Variants in TIAM2 observed in about 807,000 individuals in gnomAD.
TIAM2 encodes the protein TIAM Rac1 associated GEF 2, also known as rho guanine nucleotide exchange factor TIAM2.
A neutral mutation model predicts 152.9 loss-of-function variants in TIAM2; 80 were observed. The observed-to-expected ratio is 0.52, with a 90% CI of 0.44 to 0.63. TIAM2 has a LOEUF of 0.63. Among genes scored for constraint, TIAM2 ranks in the 30% least tolerant of loss-of-function variants. The probability of loss-of-function intolerance (pLI) is 0.00; values close to 1 mark genes in which losing one functional copy is unlikely to be tolerated. For synonymous variants in TIAM2, 804 were observed against 838.0 expected (o/e 0.96, Z 0.70); for missense variants, 1,965 against 2,120.1 (o/e 0.93, Z 1.44).
Position 155,240,515 on chromosome 6 carries a change from C to A in TIAM2, c.3169-15C>A. On this transcript the variant is annotated splice_polypyrimidine_tract_variant and intron_variant, in intron 15 of 26. Transcript: ENST00000682666. ...GAGGCCCGTGCATTATTTTCCACCT[C>A]TTGTCCTCTCTCAGAGTGCTGAGCA... is the stretch of plus-strand genomic sequence containing the variant. 6.3e-7 allele frequency: 1 copy of A among 1,594,102 alleles called. No individual in the cohort carries two copies. Among genetic ancestry groups the A allele is most frequent in the African/African-American group, 1.3e-5 (1 of 74,720 alleles).
At chr6:155,076,186 G>A (rs1019013599) in intron 1 of TIAM2, among the ~76,000 whole-genome samples, 1 of 152,126 alleles carries the variant, frequency 6.6e-6, no homozygotes, top group Admixed American at 6.6e-5. Context: ...GTGAGGCATG[G>A]GGGATGGAGC....
At chr6:155,102,390 C>G (rs1403760465) in intron 2 of TIAM2, among the ~76,000 whole-genome samples, 2 of 152,034 alleles carry the variant, frequency 1.3e-5, no homozygotes, top group East Asian at 3.8e-4. Flanking sequence ...GATTGTCAAC[C>G]CCACTTTATG....
chr6:155,124,179 C>T lies in TIAM2; in HGVS notation c.-117-3311C>T, dbSNP rs186272974. ...GATTACAGGTGTGTGCCCTCACACT[C>T]AGCTAATTTTTTTGTAGTTTTAGTA... On this transcript the variant is annotated intron_variant, in intron 2 of 26. Transcript: ENST00000682666. Among the ~76,000 whole-genome samples, 307 of 152,048 alleles carry T rather than the reference C, an allele frequency of 2.0e-3. 1 individual carries two copies. The highest frequency in any genetic ancestry group is 7.0e-3 in the African/African-American group (292 of 41,460).
At chr6:155,119,147 G>A (rs1276627871) in intron 2 of TIAM2, among the ~76,000 whole-genome samples, 3 of 151,666 alleles carry the variant, frequency 2.0e-5, no homozygotes, top group Non-Finnish European at 4.4e-5. Flanking sequence ...AGATTCTCCT[G>A]CTCCAGCCTC....
At chr6:155,161,513 T>C (rs1780268672) in intron 7 of TIAM2, among the ~76,000 whole-genome samples, 1 of 152,136 alleles carries the variant, frequency 6.6e-6, no homozygotes, top group Non-Finnish European at 1.5e-5. Flanking sequence ...CAAGAGATTG[T>C]CTTCTTCCCC....
Position 155,182,019 on chromosome 6 carries a change from T to G in TIAM2, c.2708-207T>G, listed in dbSNP as rs538797018. On this transcript the variant is annotated intron_variant, in intron 12 of 26. Transcript: ENST00000682666. ...GGTCTCACCTTTGGAATAAAAGTTA[T>G]GTTTTTATATTTCTTAAGCCTCTCG... Among the ~76,000 whole-genome samples the G allele has an allele frequency of 2.0e-5, 3 of 152,380 alleles. No individual in the cohort carries two copies. In the East Asian group the frequency reaches 5.8e-4, roughly 29 times the overall value.
chr6:155,126,972 G>A (rs942512172), intron 2 of TIAM2, among the ~76,000 whole-genome samples: 12 of 152,086 alleles, frequency 7.9e-5, no homozygotes, highest in African/African-American at 2.9e-4. Context: ...TCCCTCAGAG[G>A]GGGACCTCTT....
intron 23 of TIAM2, among the ~76,000 whole-genome samples, chr6:155,252,272 G>A (rs1344684032): frequency 1.3e-5 from 2 of 152,138 alleles, no homozygotes; most frequent in East Asian, 3.9e-4. Flanking sequence ...AGGAATTTGA[G>A]ACCAGCCTGG....
chr6:155,251,003 C>A lies in TIAM2; in HGVS notation c.4042C>A (p.Leu1348Ile), dbSNP rs1783622203. ...GTCTCTAGGAAAAGCTAGAAAGGAC[C>A]TTGAGCTCACAGTATTTGGTTAGTA... ...FLSLGKARKD[L>I]ELTVFVFKRA... The change falls in exon 22 of 27, where the codon CTT becomes ATT. Residue 1348 changes from leucine (L) to isoleucine (I), a missense_variant. Physicochemically the swap from Leu to Ile is conservative, Grantham distance 5. Transcript: ENST00000682666. The A allele has an allele frequency of 9.3e-6, 15 of 1,614,058 alleles. No homozygotes were observed. Among genetic ancestry groups the A allele is most frequent in the African/African-American group, 1.3e-5 (1 of 75,032 alleles).
intron 1 of TIAM2, among the ~76,000 whole-genome samples, chr6:155,010,749 C>T (rs1320552869): frequency 6.6e-6 from 1 of 150,936 alleles, no homozygotes; most frequent in Non-Finnish European, 1.5e-5. Flanking sequence ...CTGCGCCCAG[C>T]TTACAAAAAT....
chr6:155,113,625 G>A (rs955488419), intron 2 of TIAM2, among the ~76,000 whole-genome samples: 1 of 152,134 alleles, frequency 6.6e-6, no homozygotes, highest in Admixed American at 6.5e-5. Context: ...TTGGGAGGCT[G>A]CGGCAGGAGA....
At chr6:155,104,601 C>CA (rs1260504785) in intron 2 of TIAM2, among the ~76,000 whole-genome samples, 4 of 151,882 alleles carry the variant, frequency 2.6e-5, no homozygotes, top group Non-Finnish European at 4.4e-5. Context: ...ACTAAAAATA[C>CA]AAAAAATTAG....
At chr6:155,178,281 G>A (rs73795342) in intron 10 of TIAM2, among the ~76,000 whole-genome samples, 14,333 of 151,168 alleles carry the variant, frequency 0.095, 804 homozygotes, top group Middle Eastern at 0.16. Context: ...ATATGAGTGT[G>A]TGTGCGTACA....
At chr6:155,230,657 C>G (rs1260828740) in intron 15 of TIAM2, among the ~76,000 whole-genome samples, 1 of 151,882 alleles carries the variant, frequency 6.6e-6, no homozygotes, top group Non-Finnish European at 1.5e-5. Flanking sequence ...AAAAATTCAA[C>G]CGCTATAAAA....
At chr6:155,119,852 T>G (rs1562322564) in intron 2 of TIAM2, among the ~76,000 whole-genome samples, 2 of 152,352 alleles carry the variant, frequency 1.3e-5, no homozygotes, top group South Asian at 2.1e-4. Context: ...GAATTTAGTT[T>G]CATGAAACAA....
At chr6:155,225,353 C>G (rs1263016489) in intron 15 of TIAM2, among the ~76,000 whole-genome samples, 1 of 152,180 alleles carries the variant, frequency 6.6e-6, no homozygotes, top group Non-Finnish European at 1.5e-5. Flanking sequence ...CAGGTTGGTG[C>G]TCTGCCTTCC....
rs1251572375 is a variant in TIAM2, at chr6:155,257,259, T to C, written c.*138T>C. The C allele has an allele frequency of 2.1e-6, 2 of 958,286 alleles. No individual in the cohort carries two copies. Among genetic ancestry groups the C allele is most frequent in the Non-Finnish European group, 3.0e-6 (2 of 663,718 alleles). The allele number at this position is 958,286 out of a possible 1,614,324, so 59.4% of individuals were successfully genotyped here. The stretch of plus-strand genomic sequence containing the variant: ...CAGTATACATTTTCCCACAAAATGG[T>C]TGTAAAGATTTAAGTTATTTTAATT... On this transcript the variant is annotated 3_prime_UTR_variant, in exon 27 of 27. Coordinates refer to ENST00000682666, the MANE Select transcript of TIAM2 (RefSeq NM_012454.4).
chr6:155,104,842 G>C (rs907985056), intron 2 of TIAM2, among the ~76,000 whole-genome samples: 5 of 152,142 alleles, frequency 3.3e-5, no homozygotes, highest in African/African-American at 1.2e-4. Flanking sequence ...TATATGGGTA[G>C]ATGGATGTAT....
At chr6:155,012,226 A>C (rs774985032) in intron 1 of TIAM2, among the ~76,000 whole-genome samples, 3 of 152,110 alleles carry the variant, frequency 2.0e-5, no homozygotes, top group African/African-American at 7.2e-5. Context: ...TTGCGTTGTC[A>C]TATTTCATTT....
Sources: gnomAD v4.1 joint callset for allele counts (sites outside exome capture counted in the v4.1 genomes callset) on GRCh38, gnomAD v4.1.1 for gene constraint, MANE v1.5 for transcripts, NCBI Gene and HGNC (gene_info 2026-07-23, HGNC 2026-07-21) for gene names.